ANKRD13C: variants seen among roughly 807,000 people sequenced by gnomAD.
ANKRD13C encodes ankyrin repeat domain 13C, also known as ankyrin repeat domain-containing protein 13C.
ANKRD13C carries 16 observed loss-of-function variants against 65.5 expected under a neutral mutation model. The observed-to-expected ratio is 0.24, with a 90% CI of 0.17 to 0.37. The LOEUF (loss-of-function observed/expected upper bound fraction) is 0.37. Ranked by LOEUF, ANKRD13C falls within the 10% of genes least tolerant of loss-of-function variation. ANKRD13C has a pLI of 1.00. For missense variants in ANKRD13C, 503 were observed against 655.9 expected, an observed-to-expected ratio of 0.77 and a Z score of 2.55; for synonymous variants, 235 against 238.7, an observed-to-expected ratio of 0.98 and a Z score of 0.14.
chr1:70,286,879 C>T (rs554921643), intron 9 of ANKRD13C, among the ~76,000 whole-genome samples: 3 of 151,996 alleles, frequency 2.0e-5, no homozygotes, highest in South Asian at 4.2e-4. Flanking sequence ...TCAGCTACTC[C>T]GGAGGCTGAG....
chr1:70,304,111 G>A (rs756944946), intron 6 of ANKRD13C, among the ~76,000 whole-genome samples: 3 of 151,986 alleles, frequency 2.0e-5, no homozygotes, highest in Admixed American at 6.6e-5. Context: ...GCACGATCTC[G>A]GCTCACTGTA....
chr1:70,264,936 C>T (rs901285855), intron 12 of ANKRD13C, among the ~76,000 whole-genome samples: 9 of 151,866 alleles, frequency 5.9e-5, no homozygotes, highest in East Asian at 3.9e-4. Context: ...GCCTGGAGGA[C>T]GAAAATTCCA....
At chr1:70,310,225 C>T (rs549047339) in intron 5 of ANKRD13C, among the ~76,000 whole-genome samples, 8 of 152,124 alleles carry the variant, frequency 5.3e-5, no homozygotes, top group Non-Finnish European at 1.0e-4. Context: ...AAAGTAAACT[C>T]ACCCTGATTT....
In ANKRD13C at chr1:70,295,581, T is replaced by C. The variant is rs548613570; in HGVS notation, c.1053+549A>G. ...CCGAATATATATTTGAATAGTCTTA[T>C]ATAACCTCTTGCTGACAGATACAAT... On this transcript the variant is annotated intron_variant, in intron 8 of 12. Transcript: ENST00000370944. Among the ~76,000 whole-genome samples the C allele has an allele frequency of 1.2e-3, 183 of 152,308 alleles. No individual in the cohort carries two copies. In the Middle Eastern group the frequency reaches 0.017, roughly 14 times the overall value.
chr1:70,347,598 G>A (rs1682585760), intron 1 of ANKRD13C, among the ~76,000 whole-genome samples: 1 of 152,094 alleles, frequency 6.6e-6, no homozygotes, highest in Non-Finnish European at 1.5e-5. Flanking sequence ...TCCCTTTTAA[G>A]ACATAGCTCT....
At chr1:70,283,008 A>G (rs1263490814) in intron 9 of ANKRD13C, among the ~76,000 whole-genome samples, 1 of 152,232 alleles carries the variant, frequency 6.6e-6, no homozygotes, top group Non-Finnish European at 1.5e-5. Context: ...TCTAAACAGT[A>G]CATTATACAT....
Position 70,262,762 on chromosome 1 carries a change from T to A in ANKRD13C, c.1581A>T (p.Ile527=). 6.2e-7 allele frequency: 1 copy of A among 1,613,540 alleles called. No individual in the cohort carries two copies. The highest frequency in any genetic ancestry group is 1.1e-5 in the South Asian group (1 of 91,048). The part of the protein sequence containing the change: ...YDEFDGSIFT[I]PDDYKEDPSR... ...TTGGGTCTTCCTTGTAGTCATCAGGTATAGTAAAGATGGAGCCATCAAATT... is the reference window on the plus strand; with the variant it reads ...TTGGGTCTTCCTTGTAGTCATCAGGAATAGTAAAGATGGAGCCATCAAATT... Residue 527 remains isoleucine, a synonymous_variant, in exon 13 of 13, where the codon ATA becomes ATT. Transcript: ENST00000370944.
rs767896416 is a variant in ANKRD13C, at chr1:70,262,744, T to C, written c.1599A>G (p.Glu533=). The C allele has an allele frequency of 3.1e-6, 5 of 1,612,046 alleles. No individual in the cohort carries two copies. The highest frequency in any genetic ancestry group is 3.4e-6 in the Non-Finnish European group (4 of 1,178,808). ...AAAGATCAGGAAAACGGCTTGGGTCTTCCTTGTAGTCATCAGGTATAGTAA... is the reference window on the plus strand; with the variant it reads ...AAAGATCAGGAAAACGGCTTGGGTCCTCCTTGTAGTCATCAGGTATAGTAA... ...SIFTIPDDYK[E]DPSRFPDL Residue 533 remains glutamate, a synonymous_variant, in exon 13 of 13, where the codon GAA becomes GAG. Coordinates refer to ENST00000370944, the MANE Select transcript of ANKRD13C (RefSeq NM_030816.5).
intron 7 of ANKRD13C, 141 bp downstream of exon 7, chr1:70,300,623 G>A: frequency 4.4e-6 from 3 of 681,718 alleles, no homozygotes; most frequent in Non-Finnish European, 6.5e-6. Flanking sequence ...AAGAAAGCTA[G>A]TGGTCAGGAA....
chr1:70,341,217 A>AT (rs1258755744), intron 1 of ANKRD13C, among the ~76,000 whole-genome samples: 2 of 152,052 alleles, frequency 1.3e-5, no homozygotes, highest in Non-Finnish European at 2.9e-5. Context: ...TAACGTCCTG[A>AT]TGTTTTAGAT....
At chr1:70,311,271 T>A (rs374402014) in intron 5 of ANKRD13C, among the ~76,000 whole-genome samples, 2 of 152,168 alleles carry the variant, frequency 1.3e-5, no homozygotes, top group African/African-American at 4.8e-5. Flanking sequence ...GGCGGGTGGA[T>A]CATCAGAGGT....
At chr1:70,322,895 G>A (rs1186911186) in intron 3 of ANKRD13C, among the ~76,000 whole-genome samples, 1 of 152,246 alleles carries the variant, frequency 6.6e-6, no homozygotes, top group Non-Finnish European at 1.5e-5. Flanking sequence ...GGGAGGCTGG[G>A]GCAGGAGAAT....
intron 10 of ANKRD13C, among the ~76,000 whole-genome samples, chr1:70,276,505 T>C (rs270486): frequency 0.99 from 151,364 of 152,302 alleles, 75,227 homozygotes; most frequent in East Asian, 1. Flanking sequence ...GAACAGTGTC[T>C]TTTAGTTTTT....
Position 70,259,929 on chromosome 1 carries a change from C to T in ANKRD13C, c.*2788G>A, listed in dbSNP as rs1352256291. 2.0e-5 allele frequency among the ~76,000 whole-genome samples: 3 copies of T among 152,116 alleles called. No individual in the cohort carries two copies. Among genetic ancestry groups the T allele is most frequent in the Non-Finnish European group, 4.4e-5 (3 of 67,996 alleles). On this transcript the variant is annotated 3_prime_UTR_variant, in exon 13 of 13. Transcript: ENST00000370944. ...ACTTATTTACAATATTTACTTCAGT[C>T]CTTTCATGGCCTGGAAACAGGATCT...
intron 12 of ANKRD13C, among the ~76,000 whole-genome samples, chr1:70,267,217 G>A (rs74088042): frequency 0.085 from 12,954 of 151,974 alleles, 710 homozygotes; most frequent in East Asian, 0.29. Flanking sequence ...TCTGATATCT[G>A]CCTTAATTTT....
chr1:70,278,023 T>TAA (rs759226869), intron 9 of ANKRD13C, among the ~76,000 whole-genome samples: 11 of 138,576 alleles, frequency 7.9e-5, no homozygotes, highest in East Asian at 2.1e-4. Flanking sequence ...CTCTGTTTCT[T>TAA]AAAAAAAAAA....
chr1:70,289,532 T>C (rs1252696237), intron 9 of ANKRD13C, among the ~76,000 whole-genome samples: 1 of 152,002 alleles, frequency 6.6e-6, no homozygotes, highest in Non-Finnish European at 1.5e-5. Flanking sequence ...TGGCACGATC[T>C]CCGCTCACTG....
chr1:70,262,640 G>A lies in ANKRD13C; in HGVS notation c.*77C>T. ...TCCCTTTTCTTCACTGAAAGCATTT[G>A]TCCCTTCTATTTGGATCCACTTCTA... is the stretch of plus-strand genomic sequence containing the variant. On this transcript the variant is annotated 3_prime_UTR_variant, in exon 13 of 13. Coordinates refer to ENST00000370944, the MANE Select transcript of ANKRD13C (RefSeq NM_030816.5). The A allele has an allele frequency of 7.0e-7, 1 of 1,427,350 alleles. No individual in the cohort carries two copies. Among genetic ancestry groups the A allele is most frequent in the East Asian group, 2.4e-5 (1 of 42,408 alleles). The allele number at this position is 1,427,350 out of a possible 1,614,324, so 88.4% of individuals were successfully genotyped here. A position where few individuals can be genotyped will look rare whatever the true frequency, so the allele number is the denominator to read the frequency against.
intron 1 of ANKRD13C, among the ~76,000 whole-genome samples, chr1:70,341,362 TG>T (rs371163940): frequency 0.013 from 1,716 of 135,988 alleles, 50 homozygotes; most frequent in African/African-American, 0.046. Context: ...TCTTTTTGTG[TG>T]TTTTTTTTTT....
Sources: allele counts gnomAD v4.1 joint callset (sites outside exome capture counted in the v4.1 genomes callset), GRCh38; gene constraint gnomAD v4.1.1; transcripts MANE v1.5; gene names NCBI Gene and HGNC (gene_info 2026-07-23, HGNC 2026-07-21).